SPDYE3: variants seen among roughly 807,000 people sequenced by gnomAD.
SPDYE3 encodes the protein speedy protein E3.
Under a neutral mutation model 55.0 loss-of-function variants are expected in SPDYE3, and 15 were observed. The observed-to-expected ratio is 0.27, with a 90% confidence interval of 0.18 to 0.42. SPDYE3 has a LOEUF of 0.42. Among genes scored for constraint, SPDYE3 ranks in the 10% least tolerant of loss-of-function variants. The pLI is 1.00. For missense variants in SPDYE3, 236 were observed against 576.7 expected (o/e 0.41, Z 6.05); for synonymous variants, 89 against 229.9 (o/e 0.39, Z 5.55).
In SPDYE3 at chr7:100,308,370, GT is replaced by G. The variant is rs1805879301; in HGVS notation, c.106+380del. Among the ~76,000 whole-genome samples, 7 of 151,038 alleles carry G rather than the reference GT, an allele frequency of 4.6e-5. No homozygotes were observed. In the South Asian group the frequency reaches 1.5e-3, roughly 32 times the overall value. On this transcript the variant is annotated intron_variant, in intron 1 of 10. Transcript: ENST00000332397. ...AAAAAGAAGAAGAAAAAAAAGAAGG[GT>G]CAGAGGTCAGGAAGGAGAACCTGGG...
At chr7:100,310,055 C>T (rs1002239263) in intron 2 of SPDYE3, among the ~76,000 whole-genome samples, 1 of 139,170 alleles carries the variant, frequency 7.2e-6, no homozygotes, top group African/African-American at 2.6e-5. Flanking sequence ...GAGATTGCAC[C>T]ACTACACTCC....
At chr7:100,308,694 G>A (rs938481115) in intron 1 of SPDYE3, among the ~76,000 whole-genome samples, 3 of 150,988 alleles carry the variant, frequency 2.0e-5, no homozygotes, top group South Asian at 4.2e-4. Flanking sequence ...GGGTGACAAA[G>A]CAAGATTCTG....
chr7:100,319,201 A>G (rs1259742722), intron 8 of SPDYE3, among the ~76,000 whole-genome samples: 3 of 152,070 alleles, frequency 2.0e-5, no homozygotes, highest in Non-Finnish European at 2.9e-5. Flanking sequence ...ATGAGCCACC[A>G]CGTCTGGCGT....
chr7:100,319,885 T>C, intron 9 of SPDYE3, 46 bp from the exon 10 acceptor site: 3 of 1,611,900 alleles, frequency 1.9e-6, no homozygotes, highest in Non-Finnish European at 2.5e-6. Context: ...GAGAGAGGGG[T>C]ATCCTGGGGA....
At chr7:100,311,454 C>T (rs1244066087) in intron 3 of SPDYE3, among the ~76,000 whole-genome samples, 2 of 134,208 alleles carry the variant, frequency 1.5e-5, no homozygotes, top group Non-Finnish European at 3.2e-5. Context: ...CCACTACACT[C>T]CAGCCTGGGT....
intron 5 of SPDYE3, among the ~76,000 whole-genome samples, chr7:100,314,266 C>G (rs1374598805): frequency 1.5e-5 from 2 of 132,978 alleles, no homozygotes; most frequent in Non-Finnish European, 3.3e-5. Flanking sequence ...AAGATTCTGT[C>G]TCGAAACAAA....
intron 4 of SPDYE3, 151 bp from the exon 5 acceptor site, chr7:100,312,989 G>C (rs1458170549): frequency 1.7e-6 from 1 of 579,732 alleles, no homozygotes; most frequent in African/African-American, 1.9e-5. Flanking sequence ...TGGCACATGG[G>C]GTTGAGCAGA....
At chr7:100,316,917 C>T (rs1044449627) in intron 7 of SPDYE3, among the ~76,000 whole-genome samples, 153 bp from the exon 8 acceptor site, 2 of 152,176 alleles carry the variant, frequency 1.3e-5, no homozygotes, top group Non-Finnish European at 2.9e-5. Context: ...AATACCCCTC[C>T]ACCCCGCAAT....
chr7:100,315,295 TAAATAA>T (rs1806074594), intron 6 of SPDYE3, among the ~76,000 whole-genome samples: 1 of 151,926 alleles, frequency 6.6e-6, no homozygotes, highest in South Asian at 2.1e-4. Flanking sequence ...AATTAATAAA[TAAATAA>T]AAATAAAAAT....
intron 5 of SPDYE3, among the ~76,000 whole-genome samples, chr7:100,314,210 A>G (rs1806038300): frequency 8.8e-6 from 1 of 113,964 alleles, no homozygotes. Flanking sequence ...TAGATGTTGC[A>G]GTCAGCTGAG....
At chr7:100,308,804 G>C (rs1447418360) in intron 1 of SPDYE3, among the ~76,000 whole-genome samples, 170 bp from the exon 2 acceptor site, 2 of 150,008 alleles carry the variant, frequency 1.3e-5, no homozygotes, top group African/African-American at 4.9e-5. Flanking sequence ...GAATGGGGAG[G>C]GGAAGGAGTG....
Position 100,321,187 on chromosome 7 carries a change from C to G in SPDYE3, c.*342C>G, listed in dbSNP as rs1190635492. 1.4e-5 allele frequency: 7 copies of G among 496,120 alleles called. No homozygotes were observed. Among genetic ancestry groups the G allele is most frequent in the Non-Finnish European group, 2.4e-5 (6 of 249,216 alleles). The allele number at this position is 496,120 out of a possible 1,614,324, so 30.7% of individuals were successfully genotyped here. ...GAATGCCAACCTCCCTGGGGCGGAA[C>G]CTGGAGGTCCTGTTTCTTACGGACT... On this transcript the variant is annotated 3_prime_UTR_variant, in exon 11 of 11. Coordinates refer to ENST00000332397, the MANE Select transcript of SPDYE3 (RefSeq NM_001004351.5).
rs1388479615 is a variant in SPDYE3, at chr7:100,321,757, T to C, written c.*912T>C. On this transcript the variant is annotated 3_prime_UTR_variant, in exon 11 of 11. Transcript: ENST00000332397. ...ATACTAACATGTCTAATATATACTA[T>C]CTATTTTATTGATTTATTTCGAAAA... The C allele has an allele frequency of 2.0e-5, 3 of 149,894 alleles. No individual in the cohort carries two copies. The highest frequency in any genetic ancestry group is 7.3e-5 in the African/African-American group (3 of 41,128). The allele number at this position is 149,894 out of a possible 1,614,324, so 9.3% of individuals were successfully genotyped here. A position where few individuals can be genotyped will look rare whatever the true frequency, so the allele number is the denominator to read the frequency against.
In SPDYE3 at chr7:100,310,403, CA is replaced by C. The variant is rs1347043700; in HGVS notation, c.373del (p.Arg125GlyfsTer35). 1.0e-6 allele frequency: 1 copy of C among 952,706 alleles called. No homozygotes were observed. The highest frequency in any genetic ancestry group is 2.1e-5 in the African/African-American group (1 of 46,910). The allele number at this position is 952,706 out of a possible 1,614,324, so 59.0% of individuals were successfully genotyped here. ...PSPPRRSLGCKRKRECLDESD... is the reference protein window; with the variant it reads ...PSPPRRSLGCXRKRECLDESD... Reference sequence around the variant, plus strand: ...GCCCCCCACGTAGGTCCCTTGGCTGCAAAAGGAAGAGGGAGTGTTTGGATGA... The same window carrying C: ...GCCCCCCACGTAGGTCCCTTGGCTGCAAAGGAAGAGGGAGTGTTTGGATGA... On this transcript the variant is annotated frameshift_variant, in exon 3 of 11. Coordinates refer to ENST00000332397, the MANE Select transcript of SPDYE3 (RefSeq NM_001004351.5). LOFTEE classifies it high-confidence loss of function.
intron 8 of SPDYE3, among the ~76,000 whole-genome samples, chr7:100,318,332 T>C (rs905165205): frequency 3.3e-5 from 5 of 152,124 alleles, no homozygotes; most frequent in Non-Finnish European, 5.9e-5. Context: ...TTAGCTGATG[T>C]CTTTCTCTAT....
At chr7:100,316,125 C>T (rs186943527) in intron 7 of SPDYE3, among the ~76,000 whole-genome samples, 28 of 152,250 alleles carry the variant, frequency 1.8e-4, no homozygotes, top group African/African-American at 6.3e-4. Context: ...CGTGAACCAC[C>T]ACGCCTGGCT....
Position 100,319,720 on chromosome 7 carries a change from C to T in SPDYE3, c.1502C>T (p.Ser501Phe). The T allele has an allele frequency of 1.2e-6, 2 of 1,614,208 alleles. No homozygotes were observed. Among genetic ancestry groups the T allele is most frequent in the Non-Finnish European group, 1.7e-6 (2 of 1,180,052 alleles). Residue 501 changes from serine (S) to phenylalanine (F), a missense_variant, in exon 9 of 11, where the codon TCT becomes TTT. Transcript: ENST00000332397. Reference sequence around the variant, plus strand: ...AACCCGAGGGCCAGGAAGAACTGCTCTCAGATAGCCTTGTTCCAGAAGCGT... The same window carrying T: ...AACCCGAGGGCCAGGAAGAACTGCTTTCAGATAGCCTTGTTCCAGAAGCGT... ...PMNPRARKNC[S>F]QIALFQKRRF...
Position 100,307,880 on chromosome 7 carries a change from A to G in SPDYE3, c.-6A>G. 2 of 1,578,692 alleles carry G rather than the reference A, an allele frequency of 1.3e-6. No individual in the cohort carries two copies. Among genetic ancestry groups the G allele is most frequent in the Non-Finnish European group, 1.7e-6 (2 of 1,170,762 alleles). On this transcript the variant is annotated 5_prime_UTR_variant, in exon 1 of 11. Coordinates refer to ENST00000332397, the MANE Select transcript of SPDYE3 (RefSeq NM_001004351.5). Reference sequence around the variant, plus strand: ...CGGTGAGATTGGACAGATTTTGGGAAAGATCATGACGAGCCATCAACCGCA... The same window carrying G: ...CGGTGAGATTGGACAGATTTTGGGAGAGATCATGACGAGCCATCAACCGCA...
intron 8 of SPDYE3, among the ~76,000 whole-genome samples, chr7:100,318,935 A>G (rs1443495210): frequency 6.9e-6 from 1 of 144,302 alleles, no homozygotes; most frequent in Non-Finnish European, 1.5e-5. Flanking sequence ...TATCAAGACA[A>G]GAGTGTTGCT....
Sources: allele counts gnomAD v4.1 joint callset (sites outside exome capture counted in the v4.1 genomes callset), GRCh38; gene constraint gnomAD v4.1.1; transcripts MANE v1.5; gene names NCBI Gene and HGNC (gene_info 2026-07-23, HGNC 2026-07-21).